Variants in ANKS1B observed in about 807,000 individuals in gnomAD.
ANKS1B encodes ankyrin repeat and sterile alpha motif domain-containing protein 1B.
ANKS1B carries 36 observed loss-of-function variants against 148.3 expected under a neutral mutation model. The observed-to-expected ratio is 0.24, with a 90% CI of 0.19 to 0.32. The LOEUF (loss-of-function observed/expected upper bound fraction) is 0.32, where lower values mean the gene tolerates loss of function less well. Ranked by LOEUF, ANKS1B falls within the 10% of genes least tolerant of loss-of-function variation. The pLI, the probability that ANKS1B is intolerant of heterozygous loss-of-function variation, is 1.00. For missense variants in ANKS1B, 1,157 were observed against 1,542.6 expected (o/e 0.75, Z 4.19); for synonymous variants, 542 against 560.8 (o/e 0.97, Z 0.47).
At chr12:98,849,673 T>C (rs1401456558) in intron 17 of ANKS1B, among the ~76,000 whole-genome samples, 1 of 152,220 alleles carries the variant, frequency 6.6e-6, no homozygotes, top group Non-Finnish European at 1.5e-5. Flanking sequence ...CAAATACTTT[T>C]TTTTTCTATT....
chr12:98,975,164 T>G (rs1332605917), intron 17 of ANKS1B, among the ~76,000 whole-genome samples: 1 of 140,360 alleles, frequency 7.1e-6, no homozygotes, highest in Non-Finnish European at 1.5e-5. Flanking sequence ...CTTCCTTCCC[T>G]CCCTCCCACC....
chr12:99,054,105 C>G (rs1395341209), intron 16 of ANKS1B, among the ~76,000 whole-genome samples: 1 of 152,100 alleles, frequency 6.6e-6, no homozygotes, highest in Admixed American at 6.6e-5. Context: ...GAAATTGTAG[C>G]TGAATCTGTG....
At chr12:99,768,824 A>AG (rs1040266989) in intron 8 of ANKS1B, among the ~76,000 whole-genome samples, 2 of 104,376 alleles carry the variant, frequency 1.9e-5, no homozygotes, top group South Asian at 5.3e-4. Context: ...ACTCCGTCTC[A>AG]GAAAAAAAAA....
chr12:99,773,605 T>C (rs1567820937), intron 7 of ANKS1B, among the ~76,000 whole-genome samples: 2 of 152,244 alleles, frequency 1.3e-5, no homozygotes, highest in South Asian at 2.1e-4. Flanking sequence ...ATATGCATCA[T>C]CTGTCAAACA....
intron 14 of ANKS1B, among the ~76,000 whole-genome samples, chr12:99,238,695 G>C (rs2088568525): frequency 6.6e-6 from 1 of 152,120 alleles, no homozygotes. Context: ...TGCTCCTCTG[G>C]GACAAAGCTT....
chr12:99,437,541 C>T lies in ANKS1B; in HGVS notation c.1575+6132G>A, dbSNP rs558363887. On this transcript the variant is annotated intron_variant, in intron 11 of 26. Coordinates refer to ENST00000683438, the MANE Select transcript of ANKS1B (RefSeq NM_001352186.2). ...CCCGTGGTCACTTCTCAAGAGCCCC[C>T]TTCTATTTTAGACTTGATTTCTATC... 1.7e-4 allele frequency among the ~76,000 whole-genome samples: 26 copies of T among 151,952 alleles called. No homozygotes were observed. The South Asian group carries it at 5.4e-3, about 32-fold the overall frequency.
chr12:98,848,502 A>AT (rs2099496618), intron 17 of ANKS1B, among the ~76,000 whole-genome samples: 1 of 152,004 alleles, frequency 6.6e-6, no homozygotes, highest in Non-Finnish European at 1.5e-5. Context: ...ACCCACACTT[A>AT]AATTAAATCT....
chr12:98,917,564 G>T (rs112360286), intron 17 of ANKS1B, among the ~76,000 whole-genome samples: 1 of 152,182 alleles, frequency 6.6e-6, no homozygotes, highest in South Asian at 2.1e-4. Context: ...AATACGAAGC[G>T]TAAGACCACA....
chr12:98,791,601 C>T (rs2098857293), intron 22 of ANKS1B, among the ~76,000 whole-genome samples: 1 of 152,092 alleles, frequency 6.6e-6, no homozygotes. Flanking sequence ...GGCTAGAATG[C>T]AGTGGCTGTT....
chr12:99,586,993 C>CATAT (rs148452414), intron 9 of ANKS1B, among the ~76,000 whole-genome samples: 4 of 151,046 alleles, frequency 2.6e-5, no homozygotes, highest in African/African-American at 4.9e-5. Context: ...ATACACAAAA[C>CATAT]ATATATATAT....
At chr12:99,232,891 C>G (rs2087117426) in intron 14 of ANKS1B, among the ~76,000 whole-genome samples, 1 of 151,930 alleles carries the variant, frequency 6.6e-6, no homozygotes, top group African/African-American at 2.4e-5. Flanking sequence ...TATGAATTAC[C>G]AGCTATGTTT....
At chr12:99,535,874 A>C (rs2097059929) in intron 9 of ANKS1B, among the ~76,000 whole-genome samples, 1 of 152,180 alleles carries the variant, frequency 6.6e-6, no homozygotes, top group Admixed American at 6.5e-5. Context: ...TTATTCAAGA[A>C]AATCATCAGA....
chr12:99,573,638 T>G (rs144261807), intron 9 of ANKS1B, among the ~76,000 whole-genome samples: 229 of 152,186 alleles, frequency 1.5e-3, no homozygotes, highest in African/African-American at 4.9e-3. Flanking sequence ...TGATGACTAT[T>G]TCAGACCTTC....
At chr12:99,026,382 G>A (rs539426986) in intron 17 of ANKS1B, among the ~76,000 whole-genome samples, 146 of 152,216 alleles carry the variant, frequency 9.6e-4, no homozygotes, top group African/African-American at 3.3e-3. Context: ...AGTTTCTCTA[G>A]GTTCTAGACT....
At chr12:98,980,631 T>G (rs1474465677) in intron 17 of ANKS1B, among the ~76,000 whole-genome samples, 1 of 152,246 alleles carries the variant, frequency 6.6e-6, no homozygotes, top group African/African-American at 2.4e-5. Flanking sequence ...TGTCTAGTAA[T>G]TTTTGATAGA....
At chr12:99,982,064 A>G (rs1184560885) in intron 1 of ANKS1B, among the ~76,000 whole-genome samples, 1 of 152,138 alleles carries the variant, frequency 6.6e-6, no homozygotes, top group African/African-American at 2.4e-5. Context: ...GACACTATTC[A>G]GTATAAGATG....
chr12:98,859,561 G>A (rs1343593125), intron 17 of ANKS1B, among the ~76,000 whole-genome samples: 1 of 152,116 alleles, frequency 6.6e-6, no homozygotes, highest in Non-Finnish European at 1.5e-5. Context: ...AAACAGAAAG[G>A]ACTTGTTAGA....
chr12:99,526,480 A>G (rs1299973135), intron 9 of ANKS1B, among the ~76,000 whole-genome samples: 1 of 152,218 alleles, frequency 6.6e-6, no homozygotes, highest in Admixed American at 6.5e-5. Flanking sequence ...TCTATTAAAT[A>G]ATAAAATGGG....
intron 19 of ANKS1B, among the ~76,000 whole-genome samples, chr12:98,815,722 T>C (rs910838219): frequency 5.3e-5 from 8 of 152,196 alleles, no homozygotes; most frequent in Admixed American, 4.6e-4. Flanking sequence ...TCCTTTCTCC[T>C]GTATCTCGCA....
Sources: allele counts gnomAD v4.1 joint callset (sites outside exome capture counted in the v4.1 genomes callset), GRCh38; gene constraint gnomAD v4.1.1; transcripts MANE v1.5; gene names NCBI Gene and HGNC (gene_info 2026-07-23, HGNC 2026-07-21).